Variants in KIF16B observed in about 807,000 individuals in gnomAD.
The protein encoded by KIF16B is kinesin-like protein KIF16B.
A neutral mutation model predicts 156.3 loss-of-function variants in KIF16B; 98 were observed. The observed-to-expected ratio is 0.63, with a 90% CI of 0.53 to 0.74. KIF16B has a LOEUF of 0.74. Among genes scored for constraint, KIF16B ranks in the 30% least tolerant of loss-of-function variants. The probability of loss-of-function intolerance (pLI) is 0.00; values close to 1 mark genes in which losing one functional copy is unlikely to be tolerated. For synonymous variants in KIF16B, 564 were observed against 583.7 expected (o/e 0.97, Z 0.49); for missense variants, 1,421 against 1,606.5 (o/e 0.88, Z 1.97).
At chr20:16,490,035 C>T (rs2068240587) in intron 12 of KIF16B, among the ~76,000 whole-genome samples, 1 of 152,146 alleles carries the variant, frequency 6.6e-6, no homozygotes, top group African/African-American at 2.4e-5. Flanking sequence ...CTGCACAACA[C>T]TCCCTGTCAC....
chr20:16,558,920 A>C (rs1014860334), intron 1 of KIF16B, among the ~76,000 whole-genome samples: 1 of 150,786 alleles, frequency 6.6e-6, no homozygotes, highest in African/African-American at 2.5e-5. Context: ...AAAAAAAAAA[A>C]ACCAAGTGGG....
chr20:16,432,896 A>T (rs898607837), intron 12 of KIF16B, among the ~76,000 whole-genome samples: 2 of 152,214 alleles, frequency 1.3e-5, no homozygotes, highest in Non-Finnish European at 2.9e-5. Flanking sequence ...ATTGTTCTTC[A>T]ATTACCACTC....
rs987447920 is a variant in KIF16B at position 16,515,428 on chromosome 20, T to C, written c.348+120A>G. 1.8e-5 allele frequency: 11 copies of C among 602,534 alleles called. No individual in the cohort carries two copies. In the East Asian group the frequency reaches 3.0e-4, roughly 16 times the overall value. The allele number at this position is 602,534 out of a possible 1,614,324, so 37.3% of individuals were successfully genotyped here. A position where few individuals can be genotyped will look rare whatever the true frequency, so the allele number is the denominator to read the frequency against. On this transcript the variant is annotated intron_variant, in intron 4 of 25. Transcript: ENST00000354981. ...AACTTATTACTGAGTTTTATCTTATTACTAAAGAATAATCAGAACATGAAA... is the reference window on the plus strand; with the variant it reads ...AACTTATTACTGAGTTTTATCTTATCACTAAAGAATAATCAGAACATGAAA...
At chr20:16,357,584 T>TA (rs2064468582) in intron 22 of KIF16B, among the ~76,000 whole-genome samples, 1 of 152,230 alleles carries the variant, frequency 6.6e-6, no homozygotes, top group African/African-American at 2.4e-5. Flanking sequence ...GGAACCCACT[T>TA]ATGTGACTAT....
chr20:16,418,396 C>A (rs2066143136), intron 15 of KIF16B, among the ~76,000 whole-genome samples: 1 of 152,084 alleles, frequency 6.6e-6, no homozygotes. Context: ...CTGGACATGA[C>A]ACGATAGGAG....
At chr20:16,421,130 T>C (rs892690934) in intron 15 of KIF16B, among the ~76,000 whole-genome samples, 1 of 152,124 alleles carries the variant, frequency 6.6e-6, no homozygotes, top group Non-Finnish European at 1.5e-5. Flanking sequence ...TGTCATCTGT[T>C]AATTCAAATT....
At chr20:16,444,209 G>A (rs1217060162) in intron 12 of KIF16B, among the ~76,000 whole-genome samples, 2 of 152,214 alleles carry the variant, frequency 1.3e-5, no homozygotes. Context: ...CTATTTGGCA[G>A]TGTCTTCTAC....
At chr20:16,360,988 A>G (rs888847128) in intron 22 of KIF16B, among the ~76,000 whole-genome samples, 1 of 152,228 alleles carries the variant, frequency 6.6e-6, no homozygotes, top group Admixed American at 6.5e-5. Flanking sequence ...ATTATGTACC[A>G]GACGGTCAAA....
At chr20:16,406,879 G>A (rs1045963214) in intron 15 of KIF16B, among the ~76,000 whole-genome samples, 4 of 152,140 alleles carry the variant, frequency 2.6e-5, no homozygotes, top group African/African-American at 9.6e-5. Flanking sequence ...AATCTCAAAA[G>A]AAAAGTGCTT....
At chr20:16,343,215 G>A (rs1014300060) in intron 23 of KIF16B, among the ~76,000 whole-genome samples, 1 of 152,144 alleles carries the variant, frequency 6.6e-6, no homozygotes, top group Non-Finnish European at 1.5e-5. Flanking sequence ...ATGATCAAGC[G>A]CAACTTAAAC....
chr20:16,537,242 T>C (rs1187048587), intron 1 of KIF16B, among the ~76,000 whole-genome samples: 1 of 152,174 alleles, frequency 6.6e-6, no homozygotes, highest in Non-Finnish European at 1.5e-5. Context: ...GATCTGACCC[T>C]AGTTGACATT....
chr20:16,433,883 T>A (rs530694445), intron 12 of KIF16B, among the ~76,000 whole-genome samples: 2 of 152,322 alleles, frequency 1.3e-5, no homozygotes, highest in South Asian at 4.1e-4. Context: ...TTGAGTGGCA[T>A]CTACTGTTAT....
intron 15 of KIF16B, among the ~76,000 whole-genome samples, chr20:16,415,993 T>G (rs973813737): frequency 6.6e-6 from 1 of 152,192 alleles, no homozygotes; most frequent in Non-Finnish European, 1.5e-5. Flanking sequence ...TTCATATGTT[T>G]CTTGACTACA....
chr20:16,294,284 C>CA (rs1352780802), intron 25 of KIF16B, among the ~76,000 whole-genome samples: 2 of 152,134 alleles, frequency 1.3e-5, no homozygotes, highest in African/African-American at 4.8e-5. Context: ...CCCATGAGAG[C>CA]AGTTACCTCC....
intron 1 of KIF16B, among the ~76,000 whole-genome samples, chr20:16,542,780 C>G (rs192746927): frequency 2.2e-4 from 34 of 152,316 alleles, no homozygotes; most frequent in South Asian, 8.3e-4. Context: ...CAGGCTTTGG[C>G]TAAATGGCTA....
rs1489166550 is a variant in KIF16B, at chr20:16,379,578, AC to A, written c.2423del (p.Arg808LeufsTer11). 1 of 1,614,080 alleles carries A rather than the reference AC, an allele frequency of 6.2e-7. No individual in the cohort carries two copies. On this transcript the variant is annotated frameshift_variant, in exon 19 of 26. Transcript: ENST00000354981. LOFTEE classifies it high-confidence loss of function. The stretch of plus-strand genomic sequence containing the variant: ...CCTCGCCATCTTCATCCCCTCCGGC[AC>A]GAGCCTCCTTCACCCGCAGGAGGGA... ...RESLLRVKEA[R>X]AGGDEDGEEL...
chr20:16,367,912 A>G lies in KIF16B; in HGVS notation c.3498+2674T>C, dbSNP rs550727133. The G allele has an allele frequency of 3.4e-6, 5 of 1,473,130 alleles. No individual in the cohort carries two copies. The South Asian group carries it at 7.1e-5, about 21-fold the overall frequency. 91.3% of individuals were successfully genotyped at this position (1,473,130 alleles called of 1,614,324 possible). A position where few individuals can be genotyped will look rare whatever the true frequency, so the allele number is the denominator to read the frequency against. The stretch of plus-strand genomic sequence containing the variant: ...CAGGAATCGAACACTCTGTCCACCA[A>G]AGCCAATCTGAATCTCCTGTAGACC... On this transcript the variant is annotated intron_variant, in intron 22 of 25. Transcript: ENST00000354981.
At chr20:16,549,287 G>A (rs943692936) in intron 1 of KIF16B, among the ~76,000 whole-genome samples, 23 of 150,662 alleles carry the variant, frequency 1.5e-4, no homozygotes, top group Non-Finnish European at 2.5e-4. Flanking sequence ...GAGAATATGC[G>A]GTGTTTGGTT....
At chr20:16,496,038 C>G (rs2068443081) in intron 11 of KIF16B, among the ~76,000 whole-genome samples, 1 of 151,756 alleles carries the variant, frequency 6.6e-6, no homozygotes. Flanking sequence ...TATCTTAAAC[C>G]AGTTCTACAC....
Sources: gnomAD v4.1 joint callset for allele counts (sites outside exome capture counted in the v4.1 genomes callset) on GRCh38, gnomAD v4.1.1 for gene constraint, MANE v1.5 for transcripts, NCBI Gene and HGNC (gene_info 2026-07-23, HGNC 2026-07-21) for gene names.